HDAC9: variants seen among roughly 807,000 people sequenced by gnomAD.
HDAC9 encodes MEF-2 interacting transcription repressor (MITR) protein.
HDAC9 carries 41 observed loss-of-function variants against 139.4 expected under a neutral mutation model. The observed-to-expected ratio is 0.29, with a 90% CI of 0.23 to 0.38. The LOEUF (loss-of-function observed/expected upper bound fraction) is 0.38. HDAC9 is among the 10% of genes least tolerant of loss of function. The pLI, the probability that HDAC9 is intolerant of heterozygous loss-of-function variation, is 1.00. For missense variants in HDAC9, 1,147 were observed against 1,297.0 expected (o/e 0.88, Z 1.78); for synonymous variants, 517 against 476.2 (o/e 1.09, Z -1.12).
chr7:18,399,466 C>T (rs748695376), intron 1 of HDAC9, among the ~76,000 whole-genome samples: 1 of 152,082 alleles, frequency 6.6e-6, no homozygotes, highest in Non-Finnish European at 1.5e-5. Context: ...TTTTAAAATT[C>T]GGACACAAAT....
chr7:18,600,954 C>T (rs373764151), intron 6 of HDAC9, among the ~76,000 whole-genome samples: 6 of 152,112 alleles, frequency 3.9e-5, no homozygotes, highest in African/African-American at 9.7e-5. Flanking sequence ...TAGGCACACA[C>T]CAACATGCCT....
chr7:18,370,914 T>C (rs1282517155), intron 1 of HDAC9, among the ~76,000 whole-genome samples: 1 of 152,140 alleles, frequency 6.6e-6, no homozygotes, highest in Non-Finnish European at 1.5e-5. Context: ...TTGGGTCTCC[T>C]AAGCACTGAA....
chr7:18,222,687 A>G (rs1331467376), intron 2 of HDAC9, among the ~76,000 whole-genome samples: 1 of 152,142 alleles, frequency 6.6e-6, no homozygotes, highest in Non-Finnish European at 1.5e-5. Context: ...AACATTTTAA[A>G]TGGGATTGAT....
intron 6 of HDAC9, among the ~76,000 whole-genome samples, chr7:18,600,276 T>C (rs767195558): frequency 3.9e-5 from 6 of 152,176 alleles, no homozygotes; most frequent in Non-Finnish European, 8.8e-5. Context: ...ATCATTGTCT[T>C]TCACAGAACA....
chr7:18,914,252 A>T (rs896839196), intron 22 of HDAC9, among the ~76,000 whole-genome samples: 2 of 151,526 alleles, frequency 1.3e-5, no homozygotes, highest in Non-Finnish European at 2.9e-5. Context: ...ACCCTCCAGA[A>T]ATATGAGAAA....
chr7:18,460,318 G>A (rs1793723080), intron 1 of HDAC9, among the ~76,000 whole-genome samples: 1 of 152,098 alleles, frequency 6.6e-6, no homozygotes, highest in African/African-American at 2.4e-5. Flanking sequence ...TTATAGAGAG[G>A]AAACAAATCT....
chr7:18,855,761 G>A (rs928125857), intron 21 of HDAC9, among the ~76,000 whole-genome samples: 1 of 151,994 alleles, frequency 6.6e-6, no homozygotes, highest in Non-Finnish European at 1.5e-5. Flanking sequence ...CCAAATCCAG[G>A]TCAAGCTGTC....
intron 12 of HDAC9, among the ~76,000 whole-genome samples, chr7:18,684,984 T>C (rs1258986183): frequency 6.6e-6 from 1 of 152,002 alleles, no homozygotes; most frequent in Admixed American, 6.6e-5. Flanking sequence ...TTTTATGTGG[T>C]TTTCTTTTCC....
intron 12 of HDAC9, among the ~76,000 whole-genome samples, chr7:18,716,469 A>G (rs1199302539): frequency 6.6e-6 from 1 of 152,154 alleles, no homozygotes; most frequent in African/African-American, 2.4e-5. Flanking sequence ...AAAAATATCT[A>G]TTGATTTAAA....
intron 13 of HDAC9, among the ~76,000 whole-genome samples, chr7:18,729,645 C>T (rs963193252): frequency 6.6e-6 from 1 of 151,414 alleles, no homozygotes; most frequent in South Asian, 2.1e-4. Flanking sequence ...CCTGATCATT[C>T]AAACAAAGAC....
chr7:18,806,222 T>C (rs1311689237), intron 17 of HDAC9, among the ~76,000 whole-genome samples: 1 of 152,248 alleles, frequency 6.6e-6, no homozygotes, highest in Non-Finnish European at 1.5e-5. Context: ...TAACTTTCTA[T>C]TGCTGCTATA....
chr7:18,345,044 G>A (rs1782295473), intron 1 of HDAC9, among the ~76,000 whole-genome samples: 1 of 151,914 alleles, frequency 6.6e-6, no homozygotes, highest in Non-Finnish European at 1.5e-5. Flanking sequence ...ATGGAAATAA[G>A]AGAAGATGAA....
chr7:18,493,362 T>C (rs778067359), upstream of HDAC9, among the ~76,000 whole-genome samples: 7 of 151,976 alleles, frequency 4.6e-5, no homozygotes, highest in Non-Finnish European at 8.8e-5. Context: ...TATTAAATTT[T>C]ATTTGGAATA....
intron 2 of HDAC9, among the ~76,000 whole-genome samples, chr7:18,531,515 T>G (rs939508842): frequency 1.3e-5 from 2 of 152,192 alleles, no homozygotes; most frequent in Admixed American, 6.5e-5. Context: ...AAAAAAACTT[T>G]AAGTTTTGAA....
chr7:18,793,844 G>A (rs1792547368), intron 17 of HDAC9, among the ~76,000 whole-genome samples: 1 of 152,172 alleles, frequency 6.6e-6, no homozygotes, highest in Admixed American at 6.6e-5. Context: ...ATACCACCCA[G>A]AGAGAGGGAG....
chr7:18,316,633 C>CCAAA (rs1799660593), intron 1 of HDAC9, among the ~76,000 whole-genome samples: 1 of 100,316 alleles, frequency 1.0e-5, no homozygotes, highest in Non-Finnish European at 1.9e-5. Context: ...CAGATCTCTC[C>CCAAA]AAAAAAAAAA....
intron 2 of HDAC9, among the ~76,000 whole-genome samples, chr7:18,274,615 T>G (rs549427459): frequency 6.6e-6 from 1 of 152,186 alleles, no homozygotes; most frequent in Non-Finnish European, 1.5e-5. Context: ...ATCCCAACTA[T>G]AGCAGCCATC....
At chr7:18,624,893 C>T (rs1406745834) in intron 6 of HDAC9, among the ~76,000 whole-genome samples, 5 of 151,744 alleles carry the variant, frequency 3.3e-5, no homozygotes, top group Admixed American at 3.3e-4. Context: ...CTCTCATGAC[C>T]CAAAACCTGA....
chr7:18,284,723 TA>T (rs922729295), intron 2 of HDAC9, among the ~76,000 whole-genome samples: 2 of 152,134 alleles, frequency 1.3e-5, no homozygotes, highest in South Asian at 4.1e-4. Context: ...TTGTGAGAAC[TA>T]AAAGAGCTCC....
Sources: gnomAD v4.1 joint callset for allele counts (sites outside exome capture counted in the v4.1 genomes callset) on GRCh38, gnomAD v4.1.1 for gene constraint, MANE v1.5 for transcripts, NCBI Gene and HGNC (gene_info 2026-07-23, HGNC 2026-07-21) for gene names.